The following ATXN8OS variants were observed in gnomAD, a reference collection of about 807,000 sequenced individuals.
The protein encoded by ATXN8OS is ATXN8 opposite strand (non-protein coding).
At chr13:70,144,585 T>C (rs948514993) in intron 3 of ATXN8OS, among the ~76,000 whole-genome samples, 4 of 152,108 alleles carry the variant, frequency 2.6e-5, no homozygotes. Flanking sequence ...TCTTTTTATA[T>C]TTTTAGATAA....
At chr13:70,133,930 T>G (rs1166539054) in intron 3 of ATXN8OS, among the ~76,000 whole-genome samples, 1 of 152,234 alleles carries the variant, frequency 6.6e-6, no homozygotes, top group African/African-American at 2.4e-5. Context: ...AGAAAGTCAG[T>G]CATATCCTTC....
intron 4 of ATXN8OS, among the ~76,000 whole-genome samples, chr13:70,157,551 A>G (rs188846214): frequency 1.9e-4 from 25 of 133,196 alleles, no homozygotes; most frequent in Admixed American, 1.1e-3. Context: ...TTTTACCAGC[A>G]GTTAAAAAAA....
At chr13:70,163,915 AT>A (rs1459465748) in intron 4 of ATXN8OS, among the ~76,000 whole-genome samples, 3 of 151,380 alleles carry the variant, frequency 2.0e-5, no homozygotes, top group Non-Finnish European at 4.4e-5. Context: ...GCCTGATAGA[AT>A]AAATATATGA....
chr13:70,168,861 A>G (rs1040742584), intron 4 of ATXN8OS, among the ~76,000 whole-genome samples: 1 of 152,068 alleles, frequency 6.6e-6, no homozygotes, highest in Non-Finnish European at 1.5e-5. Context: ...TCCATGCATC[A>G]TTTTATTTGT....
chr13:70,167,353 C>G (rs1394015607), intron 4 of ATXN8OS, among the ~76,000 whole-genome samples: 2 of 152,012 alleles, frequency 1.3e-5, no homozygotes, highest in South Asian at 2.1e-4. Flanking sequence ...AGTTCATGTC[C>G]TTTGTAGGGA....
At chr13:70,157,647 C>T (rs574309664) in intron 4 of ATXN8OS, among the ~76,000 whole-genome samples, 2 of 151,898 alleles carry the variant, frequency 1.3e-5, no homozygotes, top group East Asian at 1.9e-4. Flanking sequence ...TCTTATTGAA[C>T]GCAGCTTAAC....
chr13:70,171,419 T>C (rs1191355451), exon 5 of ATXN8OS, among the ~76,000 whole-genome samples: 6 of 152,052 alleles, frequency 3.9e-5, no homozygotes, highest in Admixed American at 3.9e-4. Flanking sequence ...TCTGGGTGAG[T>C]CACTGAGTGA....
At chr13:70,140,178 A>C (rs1482468502) in intron 3 of ATXN8OS, among the ~76,000 whole-genome samples, 1 of 152,166 alleles carries the variant, frequency 6.6e-6, no homozygotes, top group Non-Finnish European at 1.5e-5. Flanking sequence ...ACTGAGTCAA[A>C]CTATGCTAAG....
intron 3 of ATXN8OS, chr13:70,139,351 T>TTACTAC (rs375568204): frequency 0.03 from 16,145 of 546,886 alleles, 292 homozygotes; most frequent in Admixed American, 0.052. Context: ...AAACCTGGCT[T>TTACTAC]TACTACTACT....
chr13:70,135,036 G>C (rs1888592650), intron 3 of ATXN8OS, among the ~76,000 whole-genome samples: 1 of 152,166 alleles, frequency 6.6e-6, no homozygotes, highest in African/African-American at 2.4e-5. Context: ...AGAAATCAAA[G>C]ACTGCAAGGA....
intron 2 of ATXN8OS, among the ~76,000 whole-genome samples, chr13:70,129,018 GC>G (rs1199845149): frequency 6.6e-6 from 1 of 151,776 alleles, no homozygotes; most frequent in Non-Finnish European, 1.5e-5. Flanking sequence ...GCACCACCAC[GC>G]CCAGCTAATT....
At chr13:70,130,823 G>A (rs1437117008) in intron 3 of ATXN8OS, 10 of 398,302 alleles carry the variant, frequency 2.5e-5, no homozygotes, top group Non-Finnish European at 4.4e-5. Context: ...CAATGACCAG[G>A]GAGAATGAAG....
chr13:70,113,313 G>GT (rs5804475), intron 1 of ATXN8OS, among the ~76,000 whole-genome samples: 37,660 of 151,742 alleles, frequency 0.25, 4,791 homozygotes, highest in Admixed American at 0.3. Context: ...ATAGATAAAT[G>GT]TAATATACAT....
rs145847277 is a variant in ATXN8OS at position 70,125,354 on chromosome 13, C to T, written n.399-4430C>T. Among the ~76,000 whole-genome samples the T allele has an allele frequency of 1.8e-3, 267 of 152,146 alleles. 1 individual carries two copies. Among genetic ancestry groups the T allele is most frequent in the African/African-American group, 5.8e-3 (243 of 41,540 alleles). On this transcript the variant is annotated intron_variant and non_coding_transcript_variant, in intron 2 of 4. Transcript: ENST00000678624. ...ATTTTGAAGAAAATCCCAGAAGGTA[C>T]GTCATTTTAGATACAAACATATTTA...
chr13:70,163,827 A>G (rs1889039282), intron 4 of ATXN8OS, among the ~76,000 whole-genome samples: 1 of 151,172 alleles, frequency 6.6e-6, no homozygotes, highest in Non-Finnish European at 1.5e-5. Context: ...TTGACTTTTT[A>G]TCTCTTGCAG....
intron 3 of ATXN8OS, among the ~76,000 whole-genome samples, chr13:70,140,495 C>T (rs1009785035): frequency 2.6e-4 from 38 of 148,296 alleles, no homozygotes; most frequent in Non-Finnish European, 8.9e-5. Flanking sequence ...ACTAATTTCA[C>T]TTCCCCTAGA....
At chr13:70,153,780 C>T (rs1037427603) in intron 4 of ATXN8OS, among the ~76,000 whole-genome samples, 5 of 151,928 alleles carry the variant, frequency 3.3e-5, no homozygotes, top group South Asian at 2.1e-4. Flanking sequence ...CCCAGGCTCC[C>T]GCGATCCACC....
intron 4 of ATXN8OS, among the ~76,000 whole-genome samples, chr13:70,166,668 TG>T (rs763165269): frequency 1.3e-5 from 2 of 151,946 alleles, no homozygotes; most frequent in Admixed American, 1.3e-4. Context: ...AATTGACAAA[TG>T]GGATCTAATT....
chr13:70,167,423 C>A (rs1163119290), intron 4 of ATXN8OS, among the ~76,000 whole-genome samples: 1 of 151,930 alleles, frequency 6.6e-6, no homozygotes, highest in African/African-American at 2.4e-5. Flanking sequence ...AAAAACCAAA[C>A]ACCACATGTT....
Sources: allele counts gnomAD v4.1 joint callset (sites outside exome capture counted in the v4.1 genomes callset), GRCh38; gene constraint gnomAD v4.1.1; transcripts MANE v1.5; gene names NCBI Gene and HGNC (gene_info 2026-07-23, HGNC 2026-07-21).